SHISA9: variants seen among roughly 807,000 people sequenced by gnomAD.
The protein encoded by SHISA9 is shisa family member 9.
Under a neutral mutation model 38.0 loss-of-function variants are expected in SHISA9, and 13 were observed. The ratio of observed to expected loss-of-function variants is 0.34; its 90% CI spans 0.22 to 0.54. The LOEUF (loss-of-function observed/expected upper bound fraction) is 0.54. Among genes scored for constraint, SHISA9 ranks in the 20% least tolerant of loss-of-function variants. SHISA9 has a pLI of 0.91. For synonymous variants in SHISA9, 275 were observed against 242.0 expected (o/e 1.14, Z -1.27); for missense variants, 538 against 575.8 (o/e 0.93, Z 0.67).
At chr16:13,353,164 G>C in the SHISA9 span, among the ~76,000 whole-genome samples, 1 of 152,186 alleles carries the variant, frequency 6.6e-6, no homozygotes, top group African/African-American at 2.4e-5. Flanking sequence ...GGAACCTAGA[G>C]TGGGAGAGAT....
intron 4 of SHISA9, among the ~76,000 whole-genome samples, chr16:13,221,995 A>T (rs1472534590): frequency 6.6e-6 from 1 of 152,202 alleles, no homozygotes; most frequent in Non-Finnish European, 1.5e-5. Flanking sequence ...ACAGTTCCAC[A>T]TGGCTGGGGA....
chr16:13,097,902 G>A (rs1323806985), intron 2 of SHISA9, among the ~76,000 whole-genome samples: 2 of 152,164 alleles, frequency 1.3e-5, no homozygotes, highest in African/African-American at 2.4e-5. Flanking sequence ...CTGAGTTAGA[G>A]CAAACAAGCT....
the SHISA9 span, among the ~76,000 whole-genome samples, chr16:13,345,355 T>C: frequency 6.6e-6 from 1 of 152,112 alleles, no homozygotes; most frequent in Non-Finnish European, 1.5e-5. Context: ...GAACATGTGG[T>C]ATTTGGTTTT....
chr16:13,419,621 G>A, the SHISA9 span, among the ~76,000 whole-genome samples: 1 of 152,226 alleles, frequency 6.6e-6, no homozygotes, highest in African/African-American at 2.4e-5. Flanking sequence ...GTAATTTAGA[G>A]TGGCTGTTTA....
the SHISA9 span, among the ~76,000 whole-genome samples, chr16:13,402,723 C>T: frequency 6.6e-6 from 1 of 152,050 alleles, no homozygotes; most frequent in Non-Finnish European, 1.5e-5. Context: ...TCACACCCCG[C>T]TAGACGAACC....
chr16:12,987,391 A>C (rs1179968464), intron 2 of SHISA9, among the ~76,000 whole-genome samples: 1 of 152,246 alleles, frequency 6.6e-6, no homozygotes, highest in Non-Finnish European at 1.5e-5. Context: ...TGATACATAT[A>C]CACCATGGAA....
At chr16:13,134,380 T>A (rs2050330104) in intron 2 of SHISA9, among the ~76,000 whole-genome samples, 1 of 152,206 alleles carries the variant, frequency 6.6e-6, no homozygotes, top group Admixed American at 6.5e-5. Context: ...GAGCCTCTCT[T>A]GAGTGCCTGA....
chr16:13,151,978 C>G (rs998593382), intron 2 of SHISA9, among the ~76,000 whole-genome samples: 1 of 152,210 alleles, frequency 6.6e-6, no homozygotes, highest in African/African-American at 2.4e-5. Context: ...TGGACAGAAA[C>G]TGCAGTCATT....
chr16:13,498,970 G>T, the SHISA9 span, among the ~76,000 whole-genome samples: 2 of 152,152 alleles, frequency 1.3e-5, no homozygotes, highest in East Asian at 3.9e-4. Flanking sequence ...CCTTCTTGCT[G>T]AGAGGATACC....
the SHISA9 span, among the ~76,000 whole-genome samples, chr16:13,525,354 C>A: frequency 6.6e-6 from 1 of 151,978 alleles, no homozygotes; most frequent in African/African-American, 2.4e-5. Context: ...GACTTTCTGT[C>A]GAAGAGTCCG....
chr16:13,422,319 C>T, the SHISA9 span, among the ~76,000 whole-genome samples: 1 of 152,036 alleles, frequency 6.6e-6, no homozygotes, highest in Non-Finnish European at 1.5e-5. Flanking sequence ...TTTTGAATAC[C>T]TTCAACATTC....
chr16:13,226,482 A>T (rs931557190), intron 4 of SHISA9, among the ~76,000 whole-genome samples: 1 of 152,184 alleles, frequency 6.6e-6, no homozygotes, highest in Non-Finnish European at 1.5e-5. Context: ...TGCCTTCTTC[A>T]TCTATAACTC....
intron 2 of SHISA9, among the ~76,000 whole-genome samples, chr16:13,147,461 C>CTTT (rs55972023): frequency 2.5e-4 from 16 of 65,074 alleles, no homozygotes; most frequent in Admixed American, 4.4e-4. Flanking sequence ...GTAAACTGAG[C>CTTT]TTTTTTTTTT....
chr16:13,265,898 A>T, the SHISA9 span, among the ~76,000 whole-genome samples: 2 of 152,186 alleles, frequency 1.3e-5, no homozygotes, highest in African/African-American at 2.4e-5. Context: ...TCTGGGTATC[A>T]ATTTACACTG....
At chr16:13,035,340 GT>G (rs1243134066) in intron 2 of SHISA9, among the ~76,000 whole-genome samples, 1 of 152,118 alleles carries the variant, frequency 6.6e-6, no homozygotes, top group African/African-American at 2.4e-5. Flanking sequence ...CTAGGAAAGA[GT>G]TGGTTTGAGA....
chr16:12,962,994 C>T (rs1777839928), intron 2 of SHISA9, among the ~76,000 whole-genome samples: 1 of 152,174 alleles, frequency 6.6e-6, no homozygotes, highest in African/African-American at 2.4e-5. Context: ...TCTGTTGCCC[C>T]ATCCTGATCC....
chr16:13,381,400 TAAAC>T, the SHISA9 span, among the ~76,000 whole-genome samples: 1 of 152,178 alleles, frequency 6.6e-6, no homozygotes, highest in Non-Finnish European at 1.5e-5. Context: ...CATAGGAAAC[TAAAC>T]AGATTTCAAA....
intron 2 of SHISA9, among the ~76,000 whole-genome samples, chr16:13,017,054 C>T (rs2072766286): frequency 6.7e-6 from 1 of 149,288 alleles, no homozygotes; most frequent in Non-Finnish European, 1.5e-5. Flanking sequence ...GAGTCTTGCT[C>T]TGTCACCCAG....
chr16:13,414,952 A>G, the SHISA9 span, among the ~76,000 whole-genome samples: 1 of 152,138 alleles, frequency 6.6e-6, no homozygotes, highest in Non-Finnish European at 1.5e-5. Context: ...ATTTATAGAC[A>G]GCAAAAGGAC....
Sources: gnomAD v4.1 joint callset for allele counts (sites outside exome capture counted in the v4.1 genomes callset) on GRCh38, gnomAD v4.1.1 for gene constraint, MANE v1.5 for transcripts, NCBI Gene and HGNC (gene_info 2026-07-23, HGNC 2026-07-21) for gene names.